Variants in ATP8A1 observed in about 807,000 individuals in gnomAD.
ATP8A1 encodes the protein phospholipid-transporting ATPase IA.
In ATP8A1, 90 loss-of-function variants were observed where a neutral mutation model predicts 177.7. That is an observed-to-expected ratio of 0.51 (90% CI 0.43 to 0.60). The LOEUF (loss-of-function observed/expected upper bound fraction) is 0.60. Ranked by LOEUF, ATP8A1 falls within the 20% of genes least tolerant of loss-of-function variation. ATP8A1 has a pLI of 0.00. For missense variants in ATP8A1, 1,072 were observed against 1,392.8 expected (o/e 0.77, Z 3.67); for synonymous variants, 493 against 485.9 (o/e 1.01, Z -0.19).
At chr4:42,594,106 T>C (rs1734476495) in intron 6 of ATP8A1, among the ~76,000 whole-genome samples, 1 of 152,126 alleles carries the variant, frequency 6.6e-6, no homozygotes, top group Admixed American at 6.6e-5. Flanking sequence ...CTATCACTTA[T>C]TCTATATGGC....
At chr4:42,572,268 AAAT>A (rs1481223482) in intron 14 of ATP8A1, among the ~76,000 whole-genome samples, 1 of 152,192 alleles carries the variant, frequency 6.6e-6, no homozygotes, top group Non-Finnish European at 1.5e-5. Flanking sequence ...GCTCTGGGGA[AAAT>A]AAGATAGCAA....
At chr4:42,459,362 C>T (rs1718837039) in intron 27 of ATP8A1, 1 of 170,956 alleles carries the variant, frequency 5.8e-6, no homozygotes, top group Admixed American at 6.3e-5. Context: ...ATTTTGTCTA[C>T]TTTATTGCTG....
chr4:42,607,633 T>A (rs1444342691), intron 5 of ATP8A1, among the ~76,000 whole-genome samples: 2 of 9,154 alleles, frequency 2.2e-4, no homozygotes, highest in African/African-American at 4.1e-4. Context: ...ATTCTACAGG[T>A]TTTTTTTTTT....
At chr4:42,491,976 A>G (rs1454629673) in intron 24 of ATP8A1, among the ~76,000 whole-genome samples, 1 of 152,142 alleles carries the variant, frequency 6.6e-6, no homozygotes, top group Non-Finnish European at 1.5e-5. Context: ...GGTGAAAATT[A>G]TGGGTAAATA....
rs553496680 is a variant in ATP8A1, at chr4:42,592,958, T to C, written c.451-2074A>G. Among the ~76,000 whole-genome samples the C allele has an allele frequency of 1.9e-3, 288 of 152,272 alleles. 1 individual carries two copies. Among genetic ancestry groups the C allele is most frequent in the African/African-American group, 6.7e-3 (278 of 41,568 alleles). ...GATGGCCAAGTGTCCAATACATTCA[T>C]CACATTTTTACTTAGTAAAACTGAA... is the stretch of plus-strand genomic sequence containing the variant. On this transcript the variant is annotated intron_variant, in intron 6 of 36. Coordinates refer to ENST00000381668, the MANE Select transcript of ATP8A1 (RefSeq NM_006095.2).
Position 42,431,227 on chromosome 4 carries a change from A to C in ATP8A1, c.3124-7522T>G, listed in dbSNP as rs188625360. The stretch of plus-strand genomic sequence containing the variant: ...AAACTTTAATTTTTACTGATATGAG[A>C]AGCACTCAAAATAGTATAATAATGC... On this transcript the variant is annotated intron_variant, in intron 33 of 36. Coordinates refer to ENST00000381668, the MANE Select transcript of ATP8A1 (RefSeq NM_006095.2). 5.3e-5 allele frequency among the ~76,000 whole-genome samples: 8 copies of C among 152,332 alleles called. 1 individual carries two copies. The highest frequency in any genetic ancestry group is 5.2e-4 in the Admixed American group (8 of 15,302).
In ATP8A1 at chr4:42,442,043, T is replaced by G. The variant is rs1326448164; in HGVS notation, c.3123+1522A>C. ...ATACTGGGAATTCTACAGGCAAGGG[T>G]AGAATTATATTTGGTGGGCAAAAAG... On this transcript the variant is annotated intron_variant, in intron 33 of 36. Coordinates refer to ENST00000381668, the MANE Select transcript of ATP8A1 (RefSeq NM_006095.2). Among the ~76,000 whole-genome samples, 9 of 152,196 alleles carry G rather than the reference T, an allele frequency of 5.9e-5. No individual in the cohort carries two copies. In the East Asian group the frequency reaches 1.5e-3, roughly 26 times the overall value.
chr4:42,515,483 A>C (rs1578087277), intron 22 of ATP8A1, among the ~76,000 whole-genome samples: 1 of 152,206 alleles, frequency 6.6e-6, no homozygotes, highest in East Asian at 1.9e-4. Flanking sequence ...AAGGGCACTA[A>C]ATTGTTGTTT....
chr4:42,541,160 A>C (rs1180589111), intron 20 of ATP8A1, among the ~76,000 whole-genome samples: 1 of 152,156 alleles, frequency 6.6e-6, no homozygotes, highest in Non-Finnish European at 1.5e-5. Context: ...AATACAATTA[A>C]AAAAATAAAA....
Position 42,551,198 on chromosome 4 carries a change from T to A in ATP8A1, c.1602A>T (p.Ser534=). The A allele has an allele frequency of 6.2e-7, 1 of 1,611,920 alleles. No individual in the cohort carries two copies. Among genetic ancestry groups the A allele is most frequent in the Non-Finnish European group, 8.5e-7 (1 of 1,178,114 alleles). Reference sequence around the variant, plus strand: ...AGAACCTTAAAAACAACTAACTTACTGAATCTATAATCACCGAGTCGGGTG... The same window carrying A: ...AGAACCTTAAAAACAACTAACTTACAGAATCTATAATCACCGAGTCGGGTG... ...GRTPDSVIID[S]LGQEERYELL... Residue 534 remains serine, a splice_region_variant and synonymous_variant, in exon 18 of 37, where the codon TCA becomes TCT. Coordinates refer to ENST00000381668, the MANE Select transcript of ATP8A1 (RefSeq NM_006095.2).
intron 31 of ATP8A1, 122 bp from the exon 32 acceptor site, chr4:42,444,756 G>T: frequency 3.1e-6 from 3 of 976,004 alleles, no homozygotes; most frequent in Non-Finnish European, 3.1e-6. Flanking sequence ...ACTGCTGCTT[G>T]CTTTGTATAT....
chr4:42,558,070 C>A (rs543230893), intron 15 of ATP8A1, among the ~76,000 whole-genome samples: 1 of 149,608 alleles, frequency 6.7e-6, no homozygotes, highest in Non-Finnish European at 1.5e-5. Context: ...ACAAAAAAAC[C>A]AGAAACAAAA....
intron 25 of ATP8A1, among the ~76,000 whole-genome samples, chr4:42,472,712 C>T (rs557812278): frequency 7.0e-6 from 1 of 143,872 alleles, no homozygotes; most frequent in African/African-American, 2.6e-5. Flanking sequence ...ATCGCGCCAT[C>T]GCACTCCAGC....
intron 33 of ATP8A1, among the ~76,000 whole-genome samples, chr4:42,432,854 T>G (rs573173089): frequency 1.1e-4 from 16 of 152,346 alleles, no homozygotes; most frequent in African/African-American, 3.6e-4. Context: ...CTAACTTTAC[T>G]GTCTTTCATT....
chr4:42,497,446 G>T (rs558551805), intron 24 of ATP8A1, among the ~76,000 whole-genome samples: 85 of 152,270 alleles, frequency 5.6e-4, no homozygotes, highest in Non-Finnish European at 9.6e-4. Flanking sequence ...AATGGCAAGG[G>T]GGCAGACTAG....
At chr4:42,619,558 C>T (rs1737250673) in intron 4 of ATP8A1, among the ~76,000 whole-genome samples, 1 of 151,606 alleles carries the variant, frequency 6.6e-6, no homozygotes, top group Non-Finnish European at 1.5e-5. Flanking sequence ...GTGGATAAGT[C>T]TTCAGTACCT....
At chr4:42,632,588 A>G (rs1738857294) in intron 1 of ATP8A1, among the ~76,000 whole-genome samples, 1 of 152,214 alleles carries the variant, frequency 6.6e-6, no homozygotes, top group African/African-American at 2.4e-5. Context: ...ATATGTTAAT[A>G]AGATTACTTT....
At chr4:42,439,932 C>T (rs555312812) in intron 33 of ATP8A1, among the ~76,000 whole-genome samples, 1 of 152,338 alleles carries the variant, frequency 6.6e-6, no homozygotes, top group Admixed American at 6.5e-5. Context: ...CTTATCTCTG[C>T]CACTATGAGT....
chr4:42,656,936 G>C lies in ATP8A1; in HGVS notation c.-63C>G. 1 of 1,431,696 alleles carries C rather than the reference G, an allele frequency of 7.0e-7. No homozygotes were observed. 88.7% of individuals were successfully genotyped at this position (1,431,696 alleles called of 1,614,324 possible). A position where few individuals can be genotyped will look rare whatever the true frequency, so the allele number is the denominator to read the frequency against. ...CTGCACCTGTCACGGCGTGGTACACGCGGGAGACCCGGCTGCGCCGCGCAG... is the reference window on the plus strand; with the variant it reads ...CTGCACCTGTCACGGCGTGGTACACCCGGGAGACCCGGCTGCGCCGCGCAG... On this transcript the variant is annotated 5_prime_UTR_variant, in exon 1 of 37. Coordinates refer to ENST00000381668, the MANE Select transcript of ATP8A1 (RefSeq NM_006095.2).
Sources: gnomAD v4.1 joint callset for allele counts (sites outside exome capture counted in the v4.1 genomes callset) on GRCh38, gnomAD v4.1.1 for gene constraint, MANE v1.5 for transcripts, NCBI Gene and HGNC (gene_info 2026-07-23, HGNC 2026-07-21) for gene names.